Variants in DMRT1 observed in about 807,000 individuals in gnomAD.
DMRT1 encodes doublesex- and mab-3-related transcription factor 1.
Under a neutral mutation model 32.3 loss-of-function variants are expected in DMRT1, and 7 were observed. The observed-to-expected ratio is 0.22, with a 90% CI of 0.12 to 0.41. The LOEUF (loss-of-function observed/expected upper bound fraction) is 0.41, where lower values mean the gene tolerates loss of function less well. Ranked by LOEUF, DMRT1 falls within the 10% of genes least tolerant of loss-of-function variation. The pLI is 1.00. For synonymous variants in DMRT1, 278 were observed against 206.1 expected (o/e 1.35, Z -2.99); for missense variants, 625 against 500.5 (o/e 1.25, Z -2.37).
intron 4 of DMRT1, among the ~76,000 whole-genome samples, chr9:917,951 G>T (rs893549793): frequency 1.3e-5 from 2 of 152,188 alleles, no homozygotes; most frequent in East Asian, 1.9e-4. Flanking sequence ...ATCACTTTCC[G>T]TTGGGAGTGG....
intron 4 of DMRT1, among the ~76,000 whole-genome samples, chr9:946,041 C>T (rs16926504): frequency 0.1 from 15,650 of 151,910 alleles, 894 homozygotes; most frequent in Non-Finnish European, 0.12. Flanking sequence ...CTTTATTATT[C>T]TTAACTGGCA....
chr9:904,022 G>C (rs1453598488), intron 3 of DMRT1, among the ~76,000 whole-genome samples: 1 of 152,206 alleles, frequency 6.6e-6, no homozygotes, highest in African/African-American at 2.4e-5. Flanking sequence ...GTAAAGTGCT[G>C]ATGTACTCCA....
In DMRT1 at chr9:847,148, T is replaced by C; in HGVS notation, c.538+5T>C. The C allele has an allele frequency of 6.2e-7, 1 of 1,612,020 alleles. No individual in the cohort carries two copies. Among genetic ancestry groups the C allele is most frequent in the Non-Finnish European group, 8.5e-7 (1 of 1,179,592 alleles). On this transcript the variant is annotated splice_donor_5th_base_variant and intron_variant, in intron 2 of 4. Coordinates refer to ENST00000382276, the MANE Select transcript of DMRT1 (RefSeq NM_021951.3). ...TCCCCACCACTGCAGCTTCAGGTAA[T>C]CTGGAGGGGCTGGGGTTCACATGGA... is the stretch of plus-strand genomic sequence containing the variant.
intron 2 of DMRT1, among the ~76,000 whole-genome samples, chr9:891,728 G>A (rs1194192350): frequency 6.6e-6 from 1 of 150,984 alleles, no homozygotes; most frequent in African/African-American, 2.4e-5. Context: ...GTTTCACCGT[G>A]TTAGCCAGGA....
intron 2 of DMRT1, among the ~76,000 whole-genome samples, chr9:860,453 C>G (rs777477643): frequency 6.6e-6 from 1 of 152,166 alleles, no homozygotes; most frequent in Non-Finnish European, 1.5e-5. Context: ...GATTTCCTCC[C>G]TCACTCTTCT....
At chr9:914,359 G>C (rs141691484) in intron 3 of DMRT1, among the ~76,000 whole-genome samples, 1 of 152,060 alleles carries the variant, frequency 6.6e-6, no homozygotes, top group Non-Finnish European at 1.5e-5. Flanking sequence ...CAGATCACGA[G>C]GTCATGAGAT....
chr9:842,050 C>T lies in DMRT1; in HGVS notation c.212C>T (p.Pro71Leu). The part of the protein sequence containing the change: ...SDLGAGSKKS[P>L]RLPKCARCRN... ...CTGGGTGCCGGGAGCAAGAAGTCCC[C>T]GCGGCTGCCCAAGTGCGCACGCTGC... The change falls in exon 1 of 5, where the codon CCG becomes CTG. Residue 71 changes from proline (P) to leucine (L), a missense_variant. Around this residue, in one of 3 missense-constraint regions of DMRT1, gnomAD observed 201 missense variants for 152.0 expected, o/e 1.32. Coordinates refer to ENST00000382276, the MANE Select transcript of DMRT1 (RefSeq NM_021951.3). The T allele has an allele frequency of 3.2e-6, 5 of 1,545,390 alleles. No homozygotes were observed. The highest frequency in any genetic ancestry group is 4.4e-6 in the Non-Finnish European group (5 of 1,148,544).
At chr9:881,559 A>G (rs1310589766) in intron 2 of DMRT1, among the ~76,000 whole-genome samples, 2 of 152,168 alleles carry the variant, frequency 1.3e-5, no homozygotes, top group South Asian at 2.1e-4. Context: ...AGCTCCCTAC[A>G]TGCTCTAGAG....
intron 3 of DMRT1, chr9:894,514 CATAA>C: frequency 5.1e-6 from 2 of 392,122 alleles, no homozygotes; most frequent in South Asian, 4.4e-5. Flanking sequence ...TTGAATGTTG[CATAA>C]ATAACCAGTT....
intron 4 of DMRT1, among the ~76,000 whole-genome samples, chr9:957,504 T>C (rs1204972756): frequency 6.6e-6 from 1 of 152,238 alleles, no homozygotes; most frequent in Non-Finnish European, 1.5e-5. Flanking sequence ...GAACCATTCC[T>C]AAACAGTGTG....
chr9:891,256 G>T (rs1817137578), intron 2 of DMRT1, among the ~76,000 whole-genome samples: 1 of 149,798 alleles, frequency 6.7e-6, no homozygotes, highest in South Asian at 2.2e-4. Flanking sequence ...AGATCAGCCT[G>T]GCCAACATGG....
chr9:950,395 G>A (rs575868675), intron 4 of DMRT1, among the ~76,000 whole-genome samples: 1 of 152,204 alleles, frequency 6.6e-6, no homozygotes, highest in Admixed American at 6.5e-5. Flanking sequence ...GTGGTCTCTT[G>A]TGAACAGTCC....
intron 2 of DMRT1, among the ~76,000 whole-genome samples, chr9:892,298 C>G (rs1817182937): frequency 6.6e-6 from 1 of 152,142 alleles, no homozygotes; most frequent in Admixed American, 6.5e-5. Flanking sequence ...CAGCTCCTCC[C>G]TTCCTTGCCC....
At chr9:869,211 T>C (rs981863220) in intron 2 of DMRT1, among the ~76,000 whole-genome samples, 1 of 152,160 alleles carries the variant, frequency 6.6e-6, no homozygotes, top group African/African-American at 2.4e-5. Context: ...GATATTCTAC[T>C]AAGGCCACAG....
rs925404203 is a variant in DMRT1 at position 965,298 on chromosome 9, A to G, written c.968-2687A>G. Among the ~76,000 whole-genome samples the G allele has an allele frequency of 6.6e-6, 1 of 152,238 alleles. No homozygotes were observed. The highest frequency in any genetic ancestry group is 1.5e-5 in the Non-Finnish European group (1 of 68,040). The stretch of plus-strand genomic sequence containing the variant: ...AGCCTTGAACAAATGTAAAAATAGC[A>G]TGGGTTTAAATTTTGAGTGGAGAAA... On this transcript the variant is annotated intron_variant, in intron 4 of 4. Transcript: ENST00000382276. The surrounding 1 kb of genome is among the most constrained non-coding windows in gnomAD (Gnocchi z 4.5).
intron 4 of DMRT1, among the ~76,000 whole-genome samples, chr9:937,507 T>G (rs765745374): frequency 6.6e-6 from 1 of 152,216 alleles, no homozygotes; most frequent in Non-Finnish European, 1.5e-5. Context: ...TCCCAACTCT[T>G]GTTGTTTTCC....
chr9:940,430 C>T (rs917249047), intron 4 of DMRT1, among the ~76,000 whole-genome samples: 1 of 151,874 alleles, frequency 6.6e-6, no homozygotes, highest in Admixed American at 6.6e-5. Context: ...GATTTTTGAC[C>T]AGAGTGCTAA....
rs1819986556 is a variant in DMRT1 at position 967,977 on chromosome 9, C to T, written c.968-8C>T. ...CTTTCTCTCTTTCTCTCTCACCTCA[C>T]TTCGCAGTATTCTCGCCGCCCAGCA... On this transcript the variant is annotated splice_region_variant and splice_polypyrimidine_tract_variant and intron_variant, in intron 4 of 4. Coordinates refer to ENST00000382276, the MANE Select transcript of DMRT1 (RefSeq NM_021951.3). 1.9e-6 allele frequency: 3 copies of T among 1,605,378 alleles called. No homozygotes were observed. The highest frequency in any genetic ancestry group is 2.2e-5 in the South Asian group (2 of 90,646).
rs182066896 is a variant in DMRT1, at chr9:915,663, C to G, written c.823-1100C>G. 2.5e-3 allele frequency among the ~76,000 whole-genome samples: 379 copies of G among 152,242 alleles called. 1 individual carries two copies. The highest frequency in any genetic ancestry group is 3.5e-3 in the Non-Finnish European group (238 of 68,012). ...TAACAGGATCCAGCATGGCATTGTG[C>G]TAATGTCCACAGCTTCCCATTACAC... On this transcript the variant is annotated intron_variant, in intron 3 of 4. Coordinates refer to ENST00000382276, the MANE Select transcript of DMRT1 (RefSeq NM_021951.3).
Sources: gnomAD v4.1 joint callset for allele counts (sites outside exome capture counted in the v4.1 genomes callset) on GRCh38, gnomAD v4.1.1 for gene constraint, gnomAD v4.1.1 regional missense constraint, Gnocchi (gnomAD v3.1) non-coding constraint, MANE v1.5 for transcripts, NCBI Gene and HGNC (gene_info 2026-07-23, HGNC 2026-07-21) for gene names.